Variants in CTNNA3 observed in about 807,000 individuals in gnomAD.
The protein encoded by CTNNA3 is catenin alpha-3.
A neutral mutation model predicts 95.7 loss-of-function variants in CTNNA3; 76 were observed. The observed-to-expected ratio is 0.79, with a 90% CI of 0.66 to 0.96. The LOEUF is 0.96. CTNNA3 is among the 40% of genes least tolerant of loss of function. The pLI, the probability that CTNNA3 is intolerant of heterozygous loss-of-function variation, is 0.00. For missense variants in CTNNA3, 1,191 were observed against 1,089.8 expected (o/e 1.09, Z -1.31); for synonymous variants, 431 against 374.4 (o/e 1.15, Z -1.74).
chr10:66,330,780 G>C (rs985407310), intron 12 of CTNNA3, among the ~76,000 whole-genome samples: 1 of 152,112 alleles, frequency 6.6e-6, no homozygotes, highest in Middle Eastern at 3.4e-3. Flanking sequence ...GTGTGAGATG[G>C]TATCTCATTG....
chr10:67,017,476 A>G (rs1323633287), intron 7 of CTNNA3, among the ~76,000 whole-genome samples: 2 of 152,158 alleles, frequency 1.3e-5, no homozygotes, highest in East Asian at 3.9e-4. Flanking sequence ...TCCACATACC[A>G]TGCTGGCATC....
intron 7 of CTNNA3, among the ~76,000 whole-genome samples, chr10:66,837,902 T>C (rs555872351): frequency 2.6e-4 from 39 of 152,226 alleles, no homozygotes; most frequent in Non-Finnish European, 5.0e-4. Flanking sequence ...CACTTGTCCA[T>C]GTCTCTGTCT....
chr10:67,647,149 TA>T (rs1839739431), intron 2 of CTNNA3, among the ~76,000 whole-genome samples: 3 of 6,408 alleles, frequency 4.7e-4, no homozygotes, highest in South Asian at 0.01. Flanking sequence ...CTGAAAATTA[TA>T]TATATATATA....
At chr10:66,516,003 C>T (rs567769071) in intron 11 of CTNNA3, among the ~76,000 whole-genome samples, 4 of 136,564 alleles carry the variant, frequency 2.9e-5, no homozygotes, top group African/African-American at 8.2e-5. Context: ...CTGTCCCCTA[C>T]AGAAGATGCA....
intron 5 of CTNNA3, among the ~76,000 whole-genome samples, chr10:67,360,732 T>A (rs1364113582): frequency 6.6e-6 from 1 of 150,960 alleles, no homozygotes; most frequent in African/African-American, 2.4e-5. Context: ...GAGGGGGAGG[T>A]GCTACATACT....
chr10:67,699,820 C>T (rs1485945043), upstream of CTNNA3, among the ~76,000 whole-genome samples: 1 of 152,246 alleles, frequency 6.6e-6, no homozygotes, highest in East Asian at 1.9e-4. Flanking sequence ...TCGGGCAAGC[C>T]ACTGCCTCAC....
At chr10:65,998,376 T>C (rs1159559108) in intron 15 of CTNNA3, among the ~76,000 whole-genome samples, 1 of 152,154 alleles carries the variant, frequency 6.6e-6, no homozygotes, top group Admixed American at 6.5e-5. Flanking sequence ...TATCTTCCCT[T>C]TTTTGAAAAA....
chr10:66,245,156 T>A (rs1050348960), intron 13 of CTNNA3, among the ~76,000 whole-genome samples: 1 of 152,136 alleles, frequency 6.6e-6, no homozygotes, highest in African/African-American at 2.4e-5. Flanking sequence ...CGGCCACTGC[T>A]CAGTCAGACA....
At chr10:67,063,450 C>G (rs1409444113) in intron 7 of CTNNA3, among the ~76,000 whole-genome samples, 1 of 152,062 alleles carries the variant, frequency 6.6e-6, no homozygotes. Flanking sequence ...TATGAGTACT[C>G]CAAGTTCCAA....
chr10:65,941,340 T>G (rs2077426912), intron 17 of CTNNA3, among the ~76,000 whole-genome samples: 1 of 152,168 alleles, frequency 6.6e-6, no homozygotes, highest in African/African-American at 2.4e-5. Flanking sequence ...CAGGGTCTAC[T>G]AAGAATCCAG....
chr10:66,195,120 T>C (rs1330976094), intron 13 of CTNNA3, among the ~76,000 whole-genome samples: 1 of 152,146 alleles, frequency 6.6e-6, no homozygotes, highest in Non-Finnish European at 1.5e-5. Context: ...TTGATCATAT[T>C]GGCCACTGAT....
chr10:66,197,429 T>G (rs1248394010), intron 13 of CTNNA3, among the ~76,000 whole-genome samples: 3 of 152,116 alleles, frequency 2.0e-5, no homozygotes, highest in African/African-American at 7.2e-5. Flanking sequence ...GCAAAAGAAA[T>G]GATCAGCTAC....
chr10:66,666,356 C>T (rs902682349), intron 9 of CTNNA3, among the ~76,000 whole-genome samples: 2 of 152,150 alleles, frequency 1.3e-5, no homozygotes, highest in Admixed American at 1.3e-4. Flanking sequence ...GTCCCCACCA[C>T]AGGGTCAAGT....
intron 3 of CTNNA3, among the ~76,000 whole-genome samples, chr10:67,566,280 A>G (rs1284276984): frequency 6.9e-6 from 1 of 145,012 alleles, no homozygotes; most frequent in African/African-American, 2.6e-5. Flanking sequence ...CATCTGACAA[A>G]GGGCTGATAT....
chr10:66,056,902 A>G (rs79522823), intron 15 of CTNNA3, among the ~76,000 whole-genome samples: 1 of 152,268 alleles, frequency 6.6e-6, no homozygotes, highest in East Asian at 1.9e-4. Flanking sequence ...TGGAAATTAA[A>G]CCACAGCTTA....
chr10:67,670,081 A>G (rs1199239560), intron 1 of CTNNA3, among the ~76,000 whole-genome samples: 2 of 152,218 alleles, frequency 1.3e-5, no homozygotes, highest in Non-Finnish European at 2.9e-5. Flanking sequence ...AACACAAACA[A>G]ATGACACTAA....
intron 5 of CTNNA3, among the ~76,000 whole-genome samples, chr10:67,260,787 C>T (rs541200305): frequency 1.3e-5 from 2 of 152,016 alleles, no homozygotes; most frequent in African/African-American, 2.4e-5. Flanking sequence ...TGGGTTCAAG[C>T]GATTCTCTCG....
chr10:67,171,420 T>G (rs941429266), intron 7 of CTNNA3, among the ~76,000 whole-genome samples: 1 of 151,640 alleles, frequency 6.6e-6, no homozygotes, highest in Non-Finnish European at 1.5e-5. Context: ...ACTAAAAATA[T>G]AAAATCAGAC....
In CTNNA3 at chr10:67,347,064, ATT is replaced by A. The variant is rs553377037; in HGVS notation, c.580-127196_580-127195del. ...TCTACTTATAATAAGTAATCCTAGA[ATT>A]TTTTTTTTTTTTTGAGACAGGGTCT... On this transcript the variant is annotated intron_variant, in intron 5 of 17. Coordinates refer to ENST00000433211, the MANE Select transcript of CTNNA3 (RefSeq NM_013266.4). Among the ~76,000 whole-genome samples, 929 of 144,272 alleles carry A rather than the reference ATT, an allele frequency of 6.4e-3. 14 individuals carry two copies. Among genetic ancestry groups the A allele is most frequent in the African/African-American group, 0.02 (802 of 39,370 alleles). The allele number at this position is 144,272 out of a possible 152,430, so 94.6% of individuals were successfully genotyped here. A position where few individuals can be genotyped will look rare whatever the true frequency, so the allele number is the denominator to read the frequency against.
Sources: gnomAD v4.1 joint callset for allele counts (sites outside exome capture counted in the v4.1 genomes callset) on GRCh38, gnomAD v4.1.1 for gene constraint, MANE v1.5 for transcripts, NCBI Gene and HGNC (gene_info 2026-07-23, HGNC 2026-07-21) for gene names.